The following KCNN2 variants were observed in gnomAD, a reference collection of about 807,000 sequenced individuals.
KCNN2 encodes the protein potassium calcium-activated channel subfamily N member 2.
KCNN2 carries 24 observed loss-of-function variants against 55.5 expected under a neutral mutation model. The ratio of observed to expected loss-of-function variants is 0.43; its 90% CI spans 0.31 to 0.61. The LOEUF (loss-of-function observed/expected upper bound fraction) is 0.61, where lower values mean the gene tolerates loss of function less well. Ranked by LOEUF, KCNN2 falls within the 20% of genes least tolerant of loss-of-function variation. The probability of loss-of-function intolerance (pLI) is 0.08; values close to 1 mark genes in which losing one functional copy is unlikely to be tolerated. For missense variants in KCNN2, 754 were observed against 853.6 expected, an observed-to-expected ratio of 0.88 and a Z score of 1.45; for synonymous variants, 431 against 336.1, an observed-to-expected ratio of 1.28 and a Z score of -3.09.
intron 1 of KCNN2, among the ~76,000 whole-genome samples, chr5:114,136,582 C>G (rs1281224384): frequency 6.6e-6 from 1 of 152,118 alleles, no homozygotes; most frequent in Non-Finnish European, 1.5e-5. Context: ...CTATAAGAAA[C>G]TAATATTTTT....
intron 2 of KCNN2, among the ~76,000 whole-genome samples, chr5:114,264,049 A>G (rs1244894257): frequency 1.3e-5 from 2 of 152,158 alleles, no homozygotes; most frequent in Non-Finnish European, 2.9e-5. Flanking sequence ...TGTGAACCTG[A>G]CTTTTAGACT....
chr5:114,241,816 A>G (rs370113686), intron 2 of KCNN2, among the ~76,000 whole-genome samples: 1,973 of 33,684 alleles, frequency 0.059, 641 homozygotes, highest in Middle Eastern at 0.17. Context: ...GTATATATAT[A>G]TATGTGTGTA....
At chr5:114,261,910 G>C (rs1755116949) in intron 2 of KCNN2, among the ~76,000 whole-genome samples, 1 of 152,136 alleles carries the variant, frequency 6.6e-6, no homozygotes. Context: ...GATTGCCTTG[G>C]TTGGTCAATA....
intron 1 of KCNN2, among the ~76,000 whole-genome samples, chr5:114,113,709 C>A (rs1751652944): frequency 6.6e-6 from 1 of 151,994 alleles, no homozygotes; most frequent in South Asian, 2.1e-4. Flanking sequence ...CTGAGGAAGG[C>A]AGATATATGG....
chr5:114,095,465 A>C (rs1047886332), intron 1 of KCNN2, among the ~76,000 whole-genome samples: 2 of 152,160 alleles, frequency 1.3e-5, no homozygotes, highest in Admixed American at 1.3e-4. Flanking sequence ...ACGAAGGCAG[A>C]TTATAACCTC....
intron 3 of KCNN2, among the ~76,000 whole-genome samples, chr5:114,412,900 A>G (rs764030179): frequency 6.6e-6 from 1 of 152,216 alleles, no homozygotes; most frequent in Non-Finnish European, 1.5e-5. Flanking sequence ...TAATGAGATT[A>G]TTTCCTACCA....
intron 2 of KCNN2, among the ~76,000 whole-genome samples, chr5:114,294,054 T>G (rs946818570): frequency 6.6e-6 from 1 of 152,212 alleles, no homozygotes; most frequent in Non-Finnish European, 1.5e-5. Flanking sequence ...TTTATCATTT[T>G]TCATTGCGTC....
chr5:114,116,150 A>C (rs903852670), intron 1 of KCNN2, among the ~76,000 whole-genome samples: 4 of 152,022 alleles, frequency 2.6e-5, no homozygotes, highest in African/African-American at 9.7e-5. Flanking sequence ...CACTGGAGCC[A>C]AGTAGAAAGT....
chr5:114,395,508 AC>A (rs755763643), intron 2 of KCNN2, among the ~76,000 whole-genome samples: 11 of 152,250 alleles, frequency 7.2e-5, no homozygotes, highest in Non-Finnish European at 1.3e-4. Context: ...ATATAGAAGA[AC>A]TAAATAATAT....
chr5:114,472,549 A>T (rs5010455), intron 4 of KCNN2, among the ~76,000 whole-genome samples: 1 of 151,312 alleles, frequency 6.6e-6, no homozygotes. Flanking sequence ...TGTGTGGAAC[A>T]CTGAAGCAGT....
chr5:114,478,657 C>T (rs114776847), intron 5 of KCNN2, among the ~76,000 whole-genome samples: 4,495 of 151,990 alleles, frequency 0.03, 124 homozygotes, highest in African/African-American at 0.065. Context: ...GAGAGAAAGG[C>T]CAGATCACTT....
chr5:114,227,476 T>G (rs1157111232), intron 2 of KCNN2, among the ~76,000 whole-genome samples: 1 of 152,198 alleles, frequency 6.6e-6, no homozygotes, highest in Non-Finnish European at 1.5e-5. Flanking sequence ...GGCTTCCACC[T>G]TAAAAACATC....
intron 1 of KCNN2, among the ~76,000 whole-genome samples, chr5:114,127,846 C>T (rs1751970751): frequency 2.0e-5 from 3 of 152,172 alleles, no homozygotes; most frequent in Non-Finnish European, 4.4e-5. Context: ...TTCAAAGTTC[C>T]ACAGATCTTT....
In KCNN2 at chr5:114,326,812, A is replaced by G. The variant is rs1756723447; in HGVS notation, c.-184-34133A>G. On this transcript the variant is annotated intron_variant, in intron 2 of 10. Transcript: ENST00000512097. ...TCCTGTTTTTGCTTTTCCATTTACT[A>G]TAAGGGAATATAGCTATAGCAGCCA... 5.3e-5 allele frequency among the ~76,000 whole-genome samples: 8 copies of G among 152,266 alleles called. No homozygotes were observed. In the South Asian group the frequency reaches 1.5e-3, roughly 28 times the overall value.
At chr5:114,210,170 T>G (rs571554844) in intron 1 of KCNN2, among the ~76,000 whole-genome samples, 41 of 152,266 alleles carry the variant, frequency 2.7e-4, no homozygotes, top group African/African-American at 9.4e-4. Context: ...AAGCCTAGTG[T>G]TCCTAAGGGC....
chr5:114,402,933 G>C (rs1165056209), intron 2 of KCNN2, among the ~76,000 whole-genome samples: 2 of 152,300 alleles, frequency 1.3e-5, no homozygotes, highest in South Asian at 4.1e-4. Flanking sequence ...AGTTAGGGAA[G>C]TGAGCAGAGG....
At chr5:114,155,517 A>G (rs115782759) in intron 1 of KCNN2, among the ~76,000 whole-genome samples, 2,550 of 152,224 alleles carry the variant, frequency 0.017, 76 homozygotes, top group African/African-American at 0.059. Flanking sequence ...GTGTATAAAC[A>G]TTCCCTTTTC....
chr5:114,185,700 T>A (rs1327482718), intron 1 of KCNN2, among the ~76,000 whole-genome samples: 2 of 152,252 alleles, frequency 1.3e-5, no homozygotes, highest in Non-Finnish European at 2.9e-5. Context: ...GGAAAATTCC[T>A]GTAACAGTAA....
chr5:114,490,219 T>C (rs1472354534), intron 6 of KCNN2, among the ~76,000 whole-genome samples: 1 of 152,194 alleles, frequency 6.6e-6, no homozygotes. Flanking sequence ...CTACTTGATT[T>C]GTATATCATG....
Sources: gnomAD v4.1 joint callset for allele counts (sites outside exome capture counted in the v4.1 genomes callset) on GRCh38, gnomAD v4.1.1 for gene constraint, MANE v1.5 for transcripts, NCBI Gene and HGNC (gene_info 2026-07-23, HGNC 2026-07-21) for gene names.